NBR1: variants seen among roughly 807,000 people sequenced by gnomAD.
NBR1 encodes the protein NBR1 autophagy cargo receptor.
A neutral mutation model predicts 115.5 loss-of-function variants in NBR1; 59 were observed. That is an observed-to-expected ratio of 0.51 (90% CI 0.41 to 0.63). The LOEUF (loss-of-function observed/expected upper bound fraction) is 0.63, where lower values mean the gene tolerates loss of function less well. Among genes scored for constraint, NBR1 ranks in the 30% least tolerant of loss-of-function variants. NBR1 has a pLI of 0.00. For synonymous variants in NBR1, 373 were observed against 414.7 expected (o/e 0.90, Z 1.22); for missense variants, 1,043 against 1,150.5 (o/e 0.91, Z 1.35).
Position 43,201,691 on chromosome 17 carries a change from C to T in NBR1, c.2474C>T (p.Ser825Phe). Residue 825 changes from serine (S) to phenylalanine (F), a missense_variant, in exon 18 of 21, where the codon TCT becomes TTT. By Grantham distance (155) the Ser-to-Phe change is radical. Coordinates refer to ENST00000590996, the MANE Select transcript of NBR1 (RefSeq NM_005899.5). ...ATATTGTGTCTTTCTGAAAGGAGCTCTCCTTGTGTACATCATCATGGTTCC... is the reference window on the plus strand; with the variant it reads ...ATATTGTGTCTTTCTGAAAGGAGCTTTCCTTGTGTACATCATCATGGTTCC... Reference protein sequence around the residue: ...VELPPSLPRSSPCVHHHGSPG... With the variant: ...VELPPSLPRSFPCVHHHGSPG... The T allele has an allele frequency of 1.3e-6, 2 of 1,594,552 alleles. No homozygotes were observed. The highest frequency in any genetic ancestry group is 8.6e-7 in the Non-Finnish European group (1 of 1,162,352).
intron 5 of NBR1, among the ~76,000 whole-genome samples, chr17:43,184,372 C>CTTTTTTT (rs71160024): frequency 1.0e-5 from 1 of 96,190 alleles, no homozygotes; most frequent in Non-Finnish European, 2.1e-5. Context: ...AAATACTATT[C>CTTTTTTT]TTTTTTTTTT....
intron 20 of NBR1, among the ~76,000 whole-genome samples, chr17:43,207,004 G>A (rs1488345971): frequency 6.6e-6 from 1 of 152,178 alleles, no homozygotes; most frequent in Non-Finnish European, 1.5e-5. Context: ...GGCAGAGGCT[G>A]CAGTGAGCTG....
rs538953126 is a variant in NBR1 at position 43,199,023 on chromosome 17, A to C, written c.2027-1144A>C. Among the ~76,000 whole-genome samples, 10 of 152,284 alleles carry C rather than the reference A, an allele frequency of 6.6e-5. No homozygotes were observed. In the East Asian group the frequency reaches 1.5e-3, roughly 23 times the overall value. Reference sequence around the variant, plus strand: ...CCACATGTGTGTACAAATACATAACAAAAAGGTCTGGAAAGACAGTACCAA... The same window carrying C: ...CCACATGTGTGTACAAATACATAACCAAAAGGTCTGGAAAGACAGTACCAA... On this transcript the variant is annotated intron_variant, in intron 16 of 20. Transcript: ENST00000590996.
chr17:43,190,564 A>G (rs1340362291), intron 8 of NBR1, 45 bp from the exon 9 acceptor site: 1 of 1,544,698 alleles, frequency 6.5e-7, no homozygotes, highest in Non-Finnish European at 8.8e-7. Context: ...TACCCCAGGT[A>G]CTTCCTATTC....
intron 9 of NBR1, among the ~76,000 whole-genome samples, 179 bp from the exon 10 acceptor site, chr17:43,191,193 G>C (rs1316507550): frequency 6.6e-6 from 1 of 152,168 alleles, no homozygotes. Flanking sequence ...ATATGAGGTG[G>C]AAGGGAGCCA....
chr17:43,199,087 AT>A (rs34915678), intron 16 of NBR1, among the ~76,000 whole-genome samples: 47,967 of 146,218 alleles, frequency 0.33, 7,683 homozygotes, highest in South Asian at 0.5. Flanking sequence ...TTTATGGGTA[AT>A]TTTTTTTTTT....
At chr17:43,194,916 T>C in intron 13 of NBR1, 48 bp from the exon 14 acceptor site, 2 of 1,458,018 alleles carry the variant, frequency 1.4e-6, no homozygotes, top group Non-Finnish European at 1.9e-6. Flanking sequence ...CATCAAGACA[T>C]GGCTCCAGCA....
In NBR1 at chr17:43,210,082, C is replaced by T; in HGVS notation, c.*8C>T. On this transcript the variant is annotated 3_prime_UTR_variant, in exon 21 of 21. Coordinates refer to ENST00000590996, the MANE Select transcript of NBR1 (RefSeq NM_005899.5). The stretch of plus-strand genomic sequence containing the variant: ...TACAGCCAACGCTATTGAGGAGTGA[C>T]CTTGTATTAAATAACTGCCTGCTGC... 6.2e-7 allele frequency: 1 copy of T among 1,602,142 alleles called. No homozygotes were observed. Among genetic ancestry groups the T allele is most frequent in the African/African-American group, 1.3e-5 (1 of 74,544 alleles).
chr17:43,205,577 G>A (rs907151116), intron 20 of NBR1, among the ~76,000 whole-genome samples: 6 of 151,944 alleles, frequency 3.9e-5, no homozygotes, highest in African/African-American at 9.7e-5. Context: ...AAGAAGAGGA[G>A]TAAGACGAAA....
rs2056925582 is a variant in NBR1 at position 43,190,739 on chromosome 17, TCTA to T, written c.829_831del (p.Thr277del). On this transcript the variant is annotated inframe_deletion, in exon 9 of 21. Coordinates refer to ENST00000590996, the MANE Select transcript of NBR1 (RefSeq NM_005899.5). ...TGAACCGTTCTGTCACTCAAAGTAC[TCTA>T]CTCCTCGTCTTCCTGCTGCTCTGGA... The T allele has an allele frequency of 8.1e-6, 13 of 1,611,978 alleles. No homozygotes were observed. The highest frequency in any genetic ancestry group is 1.0e-5 in the Non-Finnish European group (12 of 1,178,510).
intron 20 of NBR1, 68 bp from the exon 21 acceptor site, chr17:43,209,833 G>A: frequency 6.9e-7 from 1 of 1,455,780 alleles, no homozygotes; most frequent in Non-Finnish European, 9.1e-7. Context: ...TGATACAAAT[G>A]TATAAAATAA....
intron 2 of NBR1, among the ~76,000 whole-genome samples, chr17:43,176,949 A>G (rs1177806271): frequency 1.3e-5 from 2 of 151,998 alleles, no homozygotes; most frequent in African/African-American, 2.4e-5. Context: ...TTCCATGTTC[A>G]TGCAGATATC....
In NBR1 at chr17:43,200,165, A is replaced by T; in HGVS notation, c.2027-2A>T. 1.3e-6 allele frequency: 2 copies of T among 1,541,840 alleles called. No individual in the cohort carries two copies. Among genetic ancestry groups the T allele is most frequent in the South Asian group, 2.4e-5 (2 of 82,700 alleles). ...TTAAAATTGGTTGCTTTCATCCTTT[A>T]GTGACATTTGCCTTGCCTGAAGGAC... is the stretch of plus-strand genomic sequence containing the variant. On this transcript the variant is annotated splice_acceptor_variant, in intron 16 of 20. Coordinates refer to ENST00000590996, the MANE Select transcript of NBR1 (RefSeq NM_005899.5). LOFTEE classifies it high-confidence loss of function.
At chr17:43,205,246 TG>T (rs1260514674) in intron 20 of NBR1, among the ~76,000 whole-genome samples, 3 of 151,760 alleles carry the variant, frequency 2.0e-5, no homozygotes, top group African/African-American at 7.3e-5. Context: ...CCCAGCTACT[TG>T]GGAGGCTGAG....
chr17:43,197,136 C>T (rs774004593), intron 16 of NBR1, 30 bp downstream of exon 16: 1 of 1,604,994 alleles, frequency 6.2e-7, no homozygotes. Flanking sequence ...CCCTACCTAG[C>T]AGGGTGGCAC....
intron 1 of NBR1, among the ~76,000 whole-genome samples, chr17:43,173,837 C>A (rs576288082): frequency 1.3e-5 from 2 of 149,430 alleles, no homozygotes; most frequent in Non-Finnish European, 3.0e-5. Flanking sequence ...TGCCCCCCAC[C>A]CCCACCCCCG....
At position 43,200,247 on chromosome 17, in the gene NBR1, G is replaced by A; in HGVS notation, c.2107G>A (p.Glu703Lys). The stretch of plus-strand genomic sequence containing the variant: ...TATCGCTGAGGAAGAAGCTGTCATG[G>A]AGGAGGAGGAGGATGAGGAGGATGA... ...IHIAEEEAVM[E>K]EEEDEEDEEE... Residue 703 changes from glutamate (E) to lysine (K), a missense_variant, in exon 17 of 21, where the codon GAG becomes AAG. Glu to Lys is a moderately conservative substitution (Grantham distance 56, BLOSUM62 1). Transcript: ENST00000590996. 1 of 1,546,480 alleles carries A rather than the reference G, an allele frequency of 6.5e-7. No individual in the cohort carries two copies. The highest frequency in any genetic ancestry group is 8.8e-7 in the Non-Finnish European group (1 of 1,142,584).
Position 43,197,073 on chromosome 17 carries a change from C to A in NBR1, c.1993C>A (p.His665Asn), listed in dbSNP as rs755464427. ...CCTTACCTTGGATGCTGCCCCAGACCACAACCCTCCTTGCAGACAGAAGTC... is the reference window on the plus strand; with the variant it reads ...CCTTACCTTGGATGCTGCCCCAGACAACAACCCTCCTTGCAGACAGAAGTC... ...RSLTLDAAPDHNPPCRQKSLQ... is the reference protein window; with the variant it reads ...RSLTLDAAPDNNPPCRQKSLQ... The change falls in exon 16 of 21, where the codon CAC becomes AAC. Residue 665 changes from histidine to asparagine, a missense_variant. Transcript: ENST00000590996. 1 of 1,613,992 alleles carries A rather than the reference C, an allele frequency of 6.2e-7. No homozygotes were observed. Among genetic ancestry groups the A allele is most frequent in the East Asian group, 2.2e-5 (1 of 44,888 alleles).
intron 6 of NBR1, 112 bp downstream of exon 6, chr17:43,186,556 C>G: frequency 2.1e-6 from 2 of 959,280 alleles, no homozygotes; most frequent in African/African-American, 1.7e-5. Flanking sequence ...TTCTGAGATA[C>G]ATGTGCAGAA....
Sources: allele counts gnomAD v4.1 joint callset (sites outside exome capture counted in the v4.1 genomes callset), GRCh38; gene constraint gnomAD v4.1.1; transcripts MANE v1.5; gene names NCBI Gene and HGNC (gene_info 2026-07-23, HGNC 2026-07-21).